Variants in COMMD10 observed in about 807,000 individuals in gnomAD.
The protein encoded by COMMD10 is COMM domain-containing protein 10.
A neutral mutation model predicts 28.9 loss-of-function variants in COMMD10; 33 were observed. That is an observed-to-expected ratio of 1.14 (90% CI 0.87 to 1.53). The LOEUF (loss-of-function observed/expected upper bound fraction) is 1.53, where lower values mean the gene tolerates loss of function less well. COMMD10 is among the 40% of genes most tolerant of loss of function. COMMD10 has a pLI of 0.00. For missense variants in COMMD10, 310 were observed against 233.4 expected, an observed-to-expected ratio of 1.33 and a Z score of -2.14; for synonymous variants, 110 against 81.7, an observed-to-expected ratio of 1.35 and a Z score of -1.87.
At chr5:116,284,649 A>G (rs1214420096) in intron 5 of COMMD10, among the ~76,000 whole-genome samples, 2 of 151,912 alleles carry the variant, frequency 1.3e-5, no homozygotes, top group Non-Finnish European at 2.9e-5. Flanking sequence ...CTATGAAACT[A>G]CTTTAACCAG....
chr5:116,183,749 G>C (rs1359186217), intron 5 of COMMD10, among the ~76,000 whole-genome samples: 1 of 151,890 alleles, frequency 6.6e-6, no homozygotes, highest in African/African-American at 2.4e-5. Context: ...ATTTAGTTTT[G>C]GGTTACCTGG....
At chr5:116,175,878 G>T (rs746623060) in intron 5 of COMMD10, among the ~76,000 whole-genome samples, 1 of 152,080 alleles carries the variant, frequency 6.6e-6, no homozygotes, top group African/African-American at 2.4e-5. Flanking sequence ...GGGGAATGAG[G>T]AGTAGGGAGT....
intron 5 of COMMD10, among the ~76,000 whole-genome samples, chr5:116,190,423 C>T (rs1748325253): frequency 6.6e-6 from 1 of 152,102 alleles, no homozygotes; most frequent in African/African-American, 2.4e-5. Context: ...TTAAATGCAA[C>T]TAAGTGGTAC....
chr5:116,195,569 TAAATA>T (rs1748492600), intron 5 of COMMD10, among the ~76,000 whole-genome samples: 2 of 151,060 alleles, frequency 1.3e-5, no homozygotes, highest in Non-Finnish European at 3.0e-5. Flanking sequence ...TAGCAAAAAA[TAAATA>T]AGTAAGATAC....
At chr5:116,205,952 C>A (rs1748802060) in intron 5 of COMMD10, among the ~76,000 whole-genome samples, 1 of 150,494 alleles carries the variant, frequency 6.6e-6, no homozygotes. Context: ...CTTTTTCCTC[C>A]CTTGTTAGTT....
intron 5 of COMMD10, among the ~76,000 whole-genome samples, chr5:116,195,857 G>A (rs562567383): frequency 2.0e-4 from 30 of 152,132 alleles, no homozygotes; most frequent in African/African-American, 6.0e-4. Context: ...TAATGACCAG[G>A]GAAATACAAA....
At chr5:116,179,832 G>C (rs562248512) in intron 5 of COMMD10, among the ~76,000 whole-genome samples, 2 of 152,144 alleles carry the variant, frequency 1.3e-5, no homozygotes, top group South Asian at 2.1e-4. Flanking sequence ...GGAAAAGGTA[G>C]TAGTAGTAGG....
chr5:116,153,506 A>G (rs1283134544), intron 5 of COMMD10, among the ~76,000 whole-genome samples: 3 of 152,138 alleles, frequency 2.0e-5, no homozygotes, highest in African/African-American at 7.2e-5. Context: ...TGATAACACC[A>G]TATTGAAATG....
intron 5 of COMMD10, among the ~76,000 whole-genome samples, chr5:116,284,324 GTATGTGTGTGTGTA>G (rs1411786574): frequency 6.8e-6 from 1 of 146,826 alleles, no homozygotes; most frequent in African/African-American, 2.7e-5. Flanking sequence ...CTAAAGGATT[GTATGTGTGTGTGTA>G]TGTATGTGTG....
At chr5:116,156,816 G>C (rs557439093) in intron 5 of COMMD10, among the ~76,000 whole-genome samples, 157 of 150,964 alleles carry the variant, frequency 1.0e-3, no homozygotes, top group Non-Finnish European at 1.4e-3. Flanking sequence ...AGACTATTTT[G>C]CCAGCTTATA....
At chr5:116,237,831 G>T (rs1466266669) in intron 5 of COMMD10, among the ~76,000 whole-genome samples, 1 of 152,096 alleles carries the variant, frequency 6.6e-6, no homozygotes, top group East Asian at 1.9e-4. Flanking sequence ...TCTCTGATCT[G>T]TACTAATATC....
intron 5 of COMMD10, among the ~76,000 whole-genome samples, chr5:116,241,283 A>C (rs912681212): frequency 2.6e-5 from 4 of 152,216 alleles, no homozygotes; most frequent in African/African-American, 9.6e-5. Flanking sequence ...ACCACTAAAA[A>C]TAAAACTGAA....
intron 5 of COMMD10, among the ~76,000 whole-genome samples, chr5:116,203,567 G>A (rs1007187198): frequency 1.3e-5 from 2 of 152,190 alleles, no homozygotes; most frequent in African/African-American, 4.8e-5. Flanking sequence ...CAAGCCAGAA[G>A]AGAGTGGGGG....
intron 5 of COMMD10, among the ~76,000 whole-genome samples, chr5:116,251,132 T>A (rs1298858170): frequency 6.6e-6 from 1 of 151,994 alleles, no homozygotes; most frequent in East Asian, 1.9e-4. Flanking sequence ...ATTATTATGC[T>A]TGTTCATTGT....
At chr5:116,183,506 T>G (rs190775712) in intron 5 of COMMD10, among the ~76,000 whole-genome samples, 260 of 152,192 alleles carry the variant, frequency 1.7e-3, no homozygotes, top group African/African-American at 5.9e-3. Flanking sequence ...ATAACCCATA[T>G]CCTTATGAAA....
chr5:116,203,634 C>T (rs1271956255), intron 5 of COMMD10, among the ~76,000 whole-genome samples: 1 of 151,910 alleles, frequency 6.6e-6, no homozygotes, highest in African/African-American at 2.4e-5. Flanking sequence ...CATATCCAAC[C>T]AAACTAAGCT....
intron 5 of COMMD10, among the ~76,000 whole-genome samples, chr5:116,234,228 T>C (rs538564319): frequency 1.3e-5 from 2 of 152,164 alleles, no homozygotes; most frequent in Admixed American, 6.5e-5. Flanking sequence ...AGTAATACAA[T>C]GAAATTCCTC....
intron 5 of COMMD10, among the ~76,000 whole-genome samples, chr5:116,234,103 T>C (rs1749598134): frequency 1.3e-5 from 2 of 152,168 alleles, no homozygotes; most frequent in Non-Finnish European, 2.9e-5. Context: ...GCTAAAATTT[T>C]CACTGGCATT....
chr5:116,171,215 A>G (rs1301659114), intron 5 of COMMD10, among the ~76,000 whole-genome samples: 4 of 152,350 alleles, frequency 2.6e-5, no homozygotes, highest in East Asian at 3.9e-4. Flanking sequence ...CAGCCAGCAG[A>G]CATACGAAAA....
Sources: gnomAD v4.1 joint callset for allele counts (sites outside exome capture counted in the v4.1 genomes callset) on GRCh38, gnomAD v4.1.1 for gene constraint, MANE v1.5 for transcripts, NCBI Gene and HGNC (gene_info 2026-07-23, HGNC 2026-07-21) for gene names.